Variants in RNF6 observed in about 807,000 individuals in gnomAD.
The protein encoded by RNF6 is E3 ubiquitin-protein ligase RNF6.
RNF6 carries 21 observed loss-of-function variants against 50.1 expected under a neutral mutation model. The ratio of observed to expected loss-of-function variants is 0.42; its 90% CI spans 0.30 to 0.60. The LOEUF is 0.60. RNF6 is among the 20% of genes least tolerant of loss of function. The pLI, the probability that RNF6 is intolerant of heterozygous loss-of-function variation, is 0.20. For missense variants in RNF6, 698 were observed against 838.2 expected (o/e 0.83, Z 2.07); for synonymous variants, 255 against 291.8 (o/e 0.87, Z 1.29).
chr13:26,207,843 A>G (rs764373546), downstream of RNF6, among the ~76,000 whole-genome samples: 2 of 152,192 alleles, frequency 1.3e-5, no homozygotes, highest in Non-Finnish European at 2.9e-5. Context: ...ATGCCAGCTA[A>G]GGCAGTCCCA....
rs777449045 is a variant in RNF6, at chr13:26,149,952, G to GTA, written n.769-17503_769-17502dup. On this transcript the variant is annotated intron_variant and non_coding_transcript_variant, in intron 5 of 5. Coordinates refer to the RNF6 transcript ENST00000468480. Reference sequence around the variant, plus strand: ...TATATACACAGTGTATATATAATGTGTATATATATATACACAGTGTATATA... The same window carrying GTA: ...TATATACACAGTGTATATATAATGTGTATATATATATATACACAGTGTATATA... 4.4e-4 allele frequency among the ~76,000 whole-genome samples: 31 copies of GTA among 69,946 alleles called. 1 individual carries two copies. The highest frequency in any genetic ancestry group is 0.01 in the Middle Eastern group (1 of 98). 45.9% of individuals were successfully genotyped at this position (69,946 alleles called of 152,430 possible).
At chr13:26,217,924 C>G in intron 4 of RNF6, among the ~76,000 whole-genome samples, 1 of 152,104 alleles carries the variant, frequency 6.6e-6, no homozygotes, top group Admixed American at 6.6e-5. Flanking sequence ...GGGGTTTTTA[C>G]ATAGACTTCA....
chr13:26,193,589 G>T (rs1868545223), intron 5 of RNF6, among the ~76,000 whole-genome samples: 1 of 152,216 alleles, frequency 6.6e-6, no homozygotes, highest in African/African-American at 2.4e-5. Context: ...TGGAAATATG[G>T]AATGTAGACA....
chr13:26,198,828 T>A (rs1868781551), intron 5 of RNF6, among the ~76,000 whole-genome samples: 2 of 151,896 alleles, frequency 1.3e-5, no homozygotes, highest in Non-Finnish European at 2.9e-5. Context: ...ATTGTACAGG[T>A]ATAGGTAAAT....
intron 5 of RNF6, among the ~76,000 whole-genome samples, chr13:26,189,847 T>C (rs1029429610): frequency 6.6e-6 from 1 of 152,250 alleles, no homozygotes; most frequent in African/African-American, 2.4e-5. Flanking sequence ...TTGGAATTGT[T>C]TTCCTGACTC....
At chr13:26,184,012 ATATATATTTTTTTT>A (rs1426768520) in intron 5 of RNF6, among the ~76,000 whole-genome samples, 905 of 30,326 alleles carry the variant, frequency 0.03, 4 homozygotes, top group East Asian at 0.11. Context: ...ATATATATAT[ATATATATTTTTTTT>A]TTTTTTTTTT....
At chr13:26,188,597 G>A (rs1390145463) in intron 5 of RNF6, among the ~76,000 whole-genome samples, 1 of 139,736 alleles carries the variant, frequency 7.2e-6, no homozygotes, top group Non-Finnish European at 1.5e-5. Flanking sequence ...TTTTAGTGGG[G>A]GCTTTAGTTG....
Position 26,213,420 on chromosome 13 carries a change from A to G in RNF6, c.*404T>C, listed in dbSNP as rs1869461845. On this transcript the variant is annotated 3_prime_UTR_variant, in exon 5 of 5. Transcript: ENST00000381588. ...TGTCCTTAAAATAAAAAGTTAATGA[A>G]AAGCTTATTTAGACACAAATGTCTA... The G allele has an allele frequency of 6.5e-6, 1 of 154,776 alleles. No homozygotes were observed. The highest frequency in any genetic ancestry group is 2.4e-5 in the African/African-American group (1 of 41,550). 9.6% of individuals were successfully genotyped at this position (154,776 alleles called of 1,614,324 possible).
At chr13:26,135,340 TAGC>T (rs61687531) in intron 5 of RNF6, among the ~76,000 whole-genome samples, 20,151 of 152,132 alleles carry the variant, frequency 0.13, 1,675 homozygotes, top group Admixed American at 0.2. Context: ...ATAGCAATAA[TAGC>T]AGTCACCTGG....
chr13:26,179,881 C>T (rs1183806410), intron 5 of RNF6, among the ~76,000 whole-genome samples: 1 of 152,216 alleles, frequency 6.6e-6, no homozygotes, highest in Non-Finnish European at 1.5e-5. Flanking sequence ...GCAGGACATC[C>T]AGGCTGGCCT....
intron 5 of RNF6, among the ~76,000 whole-genome samples, chr13:26,153,063 G>A (rs1266607077): frequency 1.3e-5 from 2 of 151,560 alleles, no homozygotes; most frequent in African/African-American, 4.9e-5. Flanking sequence ...TGAGGCAGGA[G>A]AATTGCTTGA....
chr13:26,207,071 G>A (rs192329725), intron 5 of RNF6, among the ~76,000 whole-genome samples: 22 of 152,106 alleles, frequency 1.4e-4, no homozygotes, highest in Admixed American at 1.3e-3. Context: ...AGTAGGCATT[G>A]GGCCTACTGA....
At chr13:26,167,478 T>C (rs564942700) in intron 5 of RNF6, among the ~76,000 whole-genome samples, 1 of 152,184 alleles carries the variant, frequency 6.6e-6, no homozygotes, top group South Asian at 2.1e-4. Context: ...ATTAGAGAAA[T>C]GGAAATCAAA....
intron 5 of RNF6, among the ~76,000 whole-genome samples, chr13:26,184,008 ATATATATATATTTTTTT>A (rs1372663923): frequency 1.4e-3 from 17 of 12,188 alleles, no homozygotes; most frequent in Non-Finnish European, 2.5e-3. Context: ...ATATATATAT[ATATATATATATTTTTTT>A]TTTTTTTTTT....
intron 5 of RNF6, among the ~76,000 whole-genome samples, chr13:26,201,094 C>T (rs952446467): frequency 2.0e-5 from 3 of 152,056 alleles, no homozygotes; most frequent in African/African-American, 7.2e-5. Flanking sequence ...TAAAAAACAC[C>T]ATGACAAGTC....
At chr13:26,173,091 T>C (rs1872779870) in intron 5 of RNF6, among the ~76,000 whole-genome samples, 1 of 152,184 alleles carries the variant, frequency 6.6e-6, no homozygotes, top group South Asian at 2.1e-4. Flanking sequence ...ATGCCAAAGA[T>C]TGGCAAGACC....
chr13:26,203,939 C>G (rs1240143404), intron 5 of RNF6, among the ~76,000 whole-genome samples: 1 of 151,920 alleles, frequency 6.6e-6, no homozygotes, highest in Non-Finnish European at 1.5e-5. Context: ...GGCGACAGAG[C>G]GAGACTCGGT....
In RNF6 at chr13:26,213,760, C is replaced by T; in HGVS notation, c.*64G>A. The T allele has an allele frequency of 7.4e-7, 1 of 1,348,844 alleles. No individual in the cohort carries two copies. The highest frequency in any genetic ancestry group is 1.0e-6 in the Non-Finnish European group (1 of 984,288). 83.6% of individuals were successfully genotyped at this position (1,348,844 alleles called of 1,614,324 possible). On this transcript the variant is annotated 3_prime_UTR_variant, in exon 5 of 5. Coordinates refer to ENST00000381588, the MANE Select transcript of RNF6 (RefSeq NM_005977.4). Reference sequence around the variant, plus strand: ...CCTGGTTAGCTAATCACAAATAACTCAGCAAAACAATGCTTGAACATTCAG... The same window carrying T: ...CCTGGTTAGCTAATCACAAATAACTTAGCAAAACAATGCTTGAACATTCAG...
In RNF6 at chr13:26,177,408, C is replaced by T. The variant is rs573843276; in HGVS notation, n.768+38066G>A. Among the ~76,000 whole-genome samples, 33 of 152,338 alleles carry T rather than the reference C, an allele frequency of 2.2e-4. 1 individual carries two copies. In the South Asian group the frequency reaches 6.6e-3, roughly 31 times the overall value. On this transcript the variant is annotated intron_variant and non_coding_transcript_variant, in intron 5 of 5. Transcript: ENST00000468480. ...GGATTCTTCATAGACTCTCTCGTTA[C>T]CTCCTGGCAGCATCCTCTTCCTCTG...
Sources: gnomAD v4.1 joint callset for allele counts (sites outside exome capture counted in the v4.1 genomes callset) on GRCh38, gnomAD v4.1.1 for gene constraint, MANE v1.5 for transcripts, NCBI Gene and HGNC (gene_info 2026-07-23, HGNC 2026-07-21) for gene names.